ERC2: variants seen among roughly 807,000 people sequenced by gnomAD.
The protein encoded by ERC2 is ERC protein 2.
In ERC2, 42 loss-of-function variants were observed where a neutral mutation model predicts 114.8. The observed-to-expected ratio is 0.37, with a 90% CI of 0.29 to 0.47. The LOEUF is 0.47. Ranked by LOEUF, ERC2 falls within the 20% of genes least tolerant of loss-of-function variation. The pLI, the probability that ERC2 is intolerant of heterozygous loss-of-function variation, is 0.99. For synonymous variants in ERC2, 454 were observed against 425.5 expected (o/e 1.07, Z -0.82); for missense variants, 939 against 1,150.7 (o/e 0.82, Z 2.66).
intron 7 of ERC2, among the ~76,000 whole-genome samples, chr3:56,040,945 A>T (rs1007737289): frequency 2.6e-5 from 4 of 151,550 alleles, no homozygotes; most frequent in Non-Finnish European, 4.4e-5. Context: ...TTTCCACTCT[A>T]CCGTTGAGTC....
At chr3:56,394,147 AG>A (rs1365228820) in intron 2 of ERC2, among the ~76,000 whole-genome samples, 2 of 152,198 alleles carry the variant, frequency 1.3e-5, no homozygotes, top group Non-Finnish European at 2.9e-5. Flanking sequence ...TATTTACCAA[AG>A]CAGAAGTGAA....
intron 14 of ERC2, among the ~76,000 whole-genome samples, chr3:55,830,911 T>C (rs1642127655): frequency 6.6e-6 from 1 of 152,082 alleles, no homozygotes; most frequent in African/African-American, 2.4e-5. Context: ...ACCACTGAAC[T>C]CCAGTCTGAG....
chr3:56,238,448 G>A (rs2051108757), intron 3 of ERC2, among the ~76,000 whole-genome samples: 1 of 152,232 alleles, frequency 6.6e-6, no homozygotes, highest in Non-Finnish European at 1.5e-5. Context: ...TCCCTGGGGA[G>A]CTTGAGCAGG....
intron 17 of ERC2, among the ~76,000 whole-genome samples, chr3:55,539,246 CT>C (rs1266196262): frequency 6.6e-6 from 1 of 152,116 alleles, no homozygotes; most frequent in Non-Finnish European, 1.5e-5. Flanking sequence ...CAGAGATCAT[CT>C]GCCCCATGTT....
chr3:56,119,672 TG>T (rs1297679575), intron 6 of ERC2, among the ~76,000 whole-genome samples: 1 of 152,234 alleles, frequency 6.6e-6, no homozygotes, highest in Non-Finnish European at 1.5e-5. Flanking sequence ...TTATTCACTG[TG>T]GCATCCCCAA....
intron 14 of ERC2, among the ~76,000 whole-genome samples, chr3:55,764,296 C>T (rs768799914): frequency 2.0e-5 from 3 of 152,198 alleles, no homozygotes; most frequent in African/African-American, 7.2e-5. Context: ...AAACCATTTT[C>T]TTCTTAGGCA....
At chr3:56,364,141 G>T (rs1407159580) in intron 2 of ERC2, among the ~76,000 whole-genome samples, 2 of 152,118 alleles carry the variant, frequency 1.3e-5, no homozygotes, top group East Asian at 3.8e-4. Context: ...TGTCAGAGAA[G>T]GGGCAAATAG....
At chr3:55,543,211 G>A (rs766153093) in intron 17 of ERC2, among the ~76,000 whole-genome samples, 7 of 152,212 alleles carry the variant, frequency 4.6e-5, no homozygotes, top group Admixed American at 1.3e-4. Context: ...GAGCTGTCTC[G>A]GATGGGGGCA....
intron 14 of ERC2, among the ~76,000 whole-genome samples, chr3:55,852,024 C>A (rs573245091): frequency 6.6e-6 from 1 of 152,318 alleles, no homozygotes; most frequent in East Asian, 1.9e-4. Context: ...GAGTTTGAGA[C>A]CAGCCTGACC....
intron 17 of ERC2, among the ~76,000 whole-genome samples, chr3:55,532,123 T>C (rs1406655526): frequency 6.6e-6 from 1 of 152,188 alleles, no homozygotes; most frequent in Non-Finnish European, 1.5e-5. Context: ...CATAAAGATA[T>C]CAAGGGCCAT....
At chr3:56,358,196 C>T (rs1345322455) in intron 2 of ERC2, among the ~76,000 whole-genome samples, 1 of 152,096 alleles carries the variant, frequency 6.6e-6, no homozygotes, top group Non-Finnish European at 1.5e-5. Context: ...AACATGAGAA[C>T]AGAAATGACT....
intron 17 of ERC2, among the ~76,000 whole-genome samples, chr3:55,593,357 G>A (rs756064404): frequency 6.6e-6 from 1 of 152,164 alleles, no homozygotes; most frequent in African/African-American, 2.4e-5. Context: ...ATTCCAGGGT[G>A]CATAAGGGAG....
chr3:56,119,363 T>A (rs974371506), intron 6 of ERC2, among the ~76,000 whole-genome samples: 3 of 152,226 alleles, frequency 2.0e-5, no homozygotes, highest in African/African-American at 7.2e-5. Context: ...TGGGTTCAGA[T>A]TATTATTTAA....
intron 14 of ERC2, among the ~76,000 whole-genome samples, chr3:55,769,126 C>A (rs900883126): frequency 2.0e-5 from 3 of 152,078 alleles, no homozygotes; most frequent in African/African-American, 7.2e-5. Context: ...TGGAGGCCTC[C>A]GAAGGCTCCA....
At chr3:55,671,277 A>G (rs746388337) in intron 17 of ERC2, among the ~76,000 whole-genome samples, 16 of 152,222 alleles carry the variant, frequency 1.1e-4, no homozygotes, top group Non-Finnish European at 1.6e-4. Flanking sequence ...GTAGAGGTAT[A>G]TTACAAAAAA....
chr3:56,064,618 C>T (rs2076388867), intron 7 of ERC2, among the ~76,000 whole-genome samples: 1 of 152,194 alleles, frequency 6.6e-6, no homozygotes, highest in Non-Finnish European at 1.5e-5. Context: ...CTTCCCTTTG[C>T]ACCAGAAAGG....
chr3:55,745,239 T>G (rs888475401), intron 14 of ERC2, among the ~76,000 whole-genome samples: 1 of 152,182 alleles, frequency 6.6e-6, no homozygotes, highest in Non-Finnish European at 1.5e-5. Context: ...GGTCTATAAC[T>G]GTCCAATATC....
intron 3 of ERC2, among the ~76,000 whole-genome samples, chr3:56,201,178 C>A (rs957637058): frequency 1.3e-5 from 2 of 152,202 alleles, no homozygotes; most frequent in South Asian, 4.1e-4. Flanking sequence ...ACATCTGACA[C>A]AGCTCCCCTT....
intron 14 of ERC2, among the ~76,000 whole-genome samples, chr3:55,770,417 C>T (rs1281290070): frequency 6.6e-6 from 1 of 152,150 alleles, no homozygotes; most frequent in South Asian, 2.1e-4. Context: ...TTGAGGCTTT[C>T]TCTAACAATT....
Sources: allele counts gnomAD v4.1 joint callset (sites outside exome capture counted in the v4.1 genomes callset), GRCh38; gene constraint gnomAD v4.1.1; transcripts MANE v1.5; gene names NCBI Gene and HGNC (gene_info 2026-07-23, HGNC 2026-07-21).